The following MOG variants were observed in gnomAD, a reference collection of about 807,000 sequenced individuals.
MOG encodes myelin oligodendrocyte glycoprotein, also known as myelin-oligodendrocyte glycoprotein.
A neutral mutation model predicts 35.9 loss-of-function variants in MOG; 20 were observed. The ratio of observed to expected loss-of-function variants is 0.56; its 90% CI spans 0.39 to 0.81. The LOEUF (loss-of-function observed/expected upper bound fraction) is 0.81, where lower values mean the gene tolerates loss of function less well. Ranked by LOEUF, MOG falls within the 30% of genes least tolerant of loss-of-function variation. The probability of loss-of-function intolerance (pLI) is 0.00; values close to 1 mark genes in which losing one functional copy is unlikely to be tolerated. For synonymous variants in MOG, 92 were observed against 114.3 expected (o/e 0.80, Z 1.25); for missense variants, 251 against 301.0 (o/e 0.83, Z 1.23).
Position 29,670,184 on chromosome 6 carries a change from T to C in MOG, c.593-97T>C. Reference sequence around the variant, plus strand: ...GAATTTTGTCCCCAGAGTCCTTTGGTGTTCTAGGACCCCAGGTTAAGGAAC... The same window carrying C: ...GAATTTTGTCCCCAGAGTCCTTTGGCGTTCTAGGACCCCAGGTTAAGGAAC... On this transcript the variant is annotated intron_variant, in intron 5 of 7. Transcript: ENST00000376917. The surrounding 1 kb of genome is among the most constrained non-coding windows in gnomAD (Gnocchi z 4.2). 1 of 1,611,366 alleles carries C rather than the reference T, an allele frequency of 6.2e-7. No individual in the cohort carries two copies. The highest frequency in any genetic ancestry group is 8.5e-7 in the Non-Finnish European group (1 of 1,177,446).
intron 2 of MOG, among the ~76,000 whole-genome samples, chr6:29,664,244 GT>G (rs2127516306): frequency 7.0e-6 from 1 of 143,302 alleles, no homozygotes; most frequent in African/African-American, 2.6e-5. Flanking sequence ...TTTTGCTCTT[GT>G]TACCCAGGCT....
At chr6:29,658,845 G>C (rs1466954725) in intron 1 of MOG, among the ~76,000 whole-genome samples, 2 of 152,336 alleles carry the variant, frequency 1.3e-5, no homozygotes, top group African/African-American at 4.8e-5. Flanking sequence ...CGGGTGTGGT[G>C]GTTTATGCCC....
In MOG at chr6:29,670,591, T is replaced by A; in HGVS notation, c.710-110T>A. ...AGAACCACTTACTGGATCTGTGGGA[T>A]CCCCCAGTGGAAAGGGCAGTGTGGG... On this transcript the variant is annotated intron_variant, in intron 6 of 7. Coordinates refer to ENST00000376917, the MANE Select transcript of MOG (RefSeq NM_206809.4). This position sits in a 1 kb window ranked among gnomAD's most constrained non-coding sequence, Gnocchi z 4.2. The A allele has an allele frequency of 6.3e-7, 1 of 1,579,414 alleles. No homozygotes were observed.
Position 29,662,221 on chromosome 6 carries a change from C to G in MOG, c.436+2555C>G, listed in dbSNP as rs1033726969. On this transcript the variant is annotated intron_variant, in intron 2 of 7. Coordinates refer to ENST00000376917, the MANE Select transcript of MOG (RefSeq NM_206809.4). The surrounding 1 kb of genome is among the most constrained non-coding windows in gnomAD (Gnocchi z 4.2). ...AACAAATGCCAGGCGCGGCAGCTCA[C>G]GCCTGTAATCCCAGCACTTTGGGAG... The G allele has an allele frequency of 1.0e-6, 1 of 979,288 alleles. No homozygotes were observed. Among genetic ancestry groups the G allele is most frequent in the Non-Finnish European group, 1.2e-6 (1 of 824,388 alleles). The allele number at this position is 979,288 out of a possible 1,614,324, so 60.7% of individuals were successfully genotyped here. A position where few individuals can be genotyped will look rare whatever the true frequency, so the allele number is the denominator to read the frequency against.
rs1364294429 is a variant in MOG, at chr6:29,671,517, T to C, written c.*332T>C. 1 of 1,058,080 alleles carries C rather than the reference T, an allele frequency of 9.5e-7. No individual in the cohort carries two copies. The highest frequency in any genetic ancestry group is 1.5e-6 in the Non-Finnish European group (1 of 674,524). 65.5% of individuals were successfully genotyped at this position (1,058,080 alleles called of 1,614,324 possible). On this transcript the variant is annotated 3_prime_UTR_variant, in exon 8 of 8. Coordinates refer to ENST00000376917, the MANE Select transcript of MOG (RefSeq NM_206809.4). ...CTGGAGAGCAACACAGGATGGTCTC[T>C]GCCATGAACTGGAGGCCAGGAATCT...
At position 29,671,352 on chromosome 6, in the gene MOG, TTC is replaced by T; in HGVS notation, c.*169_*170del. 1 of 1,612,068 alleles carries T rather than the reference TTC, an allele frequency of 6.2e-7. No individual in the cohort carries two copies. The highest frequency in any genetic ancestry group is 1.1e-5 in the South Asian group (1 of 91,044). ...GAATTCCAAGTAGAATTGATTTCCC[TTC>T]TTCTGTCATCTACCTTTTCTCTTCA... On this transcript the variant is annotated 3_prime_UTR_variant, in exon 8 of 8. Transcript: ENST00000376917.
chr6:29,658,854 C>T (rs922864373), intron 1 of MOG, among the ~76,000 whole-genome samples: 12 of 152,134 alleles, frequency 7.9e-5, no homozygotes, highest in African/African-American at 2.9e-4. Context: ...TGGTTTATGC[C>T]CATAATCCCA....
intron 5 of MOG, 132 bp downstream of exon 5, chr6:29,668,056 A>G: frequency 1.2e-6 from 1 of 853,348 alleles, no homozygotes; most frequent in East Asian, 2.4e-5. Flanking sequence ...TCTTTAAATA[A>G]GAAGTCATTT....
At position 29,666,195 on chromosome 6, in the gene MOG, G is replaced by C. The variant is rs148630553; in HGVS notation, c.480G>C (p.Ala160=). The change falls in exon 3 of 8, where the codon GCG becomes GCC. Residue 160 remains alanine, a synonymous_variant. Coordinates refer to ENST00000376917, the MANE Select transcript of MOG (RefSeq NM_206809.4). ...WVSPGVLVLL[A]VLPVLLLQIT... ...GCCCTGGAGTGCTGGTTCTCCTCGC[G>C]GTGCTGCCTGTGCTCCTCCTGCAGA... is the stretch of plus-strand genomic sequence containing the variant. 2.0e-4 allele frequency: 318 copies of C among 1,612,890 alleles called. 1 individual carries two copies. In the African/African-American group the frequency reaches 3.6e-3, roughly 18 times the overall value.
chr6:29,670,766 G>A lies in MOG; in HGVS notation c.730+45G>A. ...TTATAAGCAGAGAATAAAAAGCCAG[G>A]AAAGGGAGACAGAAGCAACAAGAGG... On this transcript the variant is annotated intron_variant, in intron 7 of 7. Coordinates refer to ENST00000376917, the MANE Select transcript of MOG (RefSeq NM_206809.4). The surrounding 1 kb of genome is among the most constrained non-coding windows in gnomAD (Gnocchi z 4.2). 6.2e-7 allele frequency: 1 copy of A among 1,608,482 alleles called. No individual in the cohort carries two copies. The highest frequency in any genetic ancestry group is 8.5e-7 in the Non-Finnish European group (1 of 1,177,594).
chr6:29,658,371 T>TA (rs1767634962), intron 1 of MOG, among the ~76,000 whole-genome samples: 1 of 151,476 alleles, frequency 6.6e-6, no homozygotes. Context: ...CACATCCACA[T>TA]AGAAAAAAAC....
chr6:29,668,615 T>C (rs1189202630), intron 5 of MOG, among the ~76,000 whole-genome samples: 2 of 152,204 alleles, frequency 1.3e-5, no homozygotes, highest in Admixed American at 6.5e-5. Context: ...TCTACTCTTG[T>C]CACCTGGCAC....
chr6:29,667,322 C>CA (rs9280634), intron 3 of MOG, among the ~76,000 whole-genome samples: 27,912 of 152,146 alleles, frequency 0.18, 2,774 homozygotes, highest in Admixed American at 0.25. Context: ...TTTAGATAAA[C>CA]AAAGTGGCAA....
intron 3 of MOG, among the ~76,000 whole-genome samples, 197 bp from the exon 4 acceptor site, chr6:29,667,446 G>C (rs9500950): frequency 0.019 from 2,842 of 152,110 alleles, 44 homozygotes; most frequent in Admixed American, 0.034. Context: ...TTCTTTATTC[G>C]CTATTGTATC....
intron 2 of MOG, among the ~76,000 whole-genome samples, chr6:29,660,241 G>T (rs1768224614): frequency 6.6e-6 from 1 of 151,864 alleles, no homozygotes; most frequent in Non-Finnish European, 1.5e-5. Context: ...AAACCCTTGG[G>T]CCCAGCGCCG....
chr6:29,667,480 C>T lies in MOG; in HGVS notation c.551-163C>T, dbSNP rs546526055. ...TCTAGACTATAGCTAGAGAAAGAGC[C>T]GCAACCATTGGCTTTAAATCCAGTG... On this transcript the variant is annotated intron_variant, in intron 3 of 7. Transcript: ENST00000376917. Among the ~76,000 whole-genome samples the T allele has an allele frequency of 2.6e-5, 4 of 152,134 alleles. No homozygotes were observed. The South Asian group carries it at 6.2e-4, about 24-fold the overall frequency.
At chr6:29,663,515 TGAC>T (rs1314429323) in intron 2 of MOG, among the ~76,000 whole-genome samples, 12 of 152,206 alleles carry the variant, frequency 7.9e-5, no homozygotes, top group African/African-American at 2.7e-4. Flanking sequence ...TGAATTTTGT[TGAC>T]GACATTCCCA....
At chr6:29,665,348 G>A (rs1769977558) in intron 2 of MOG, among the ~76,000 whole-genome samples, 1 of 151,926 alleles carries the variant, frequency 6.6e-6, no homozygotes, top group Non-Finnish European at 1.5e-5. Flanking sequence ...CGCCCGCCTC[G>A]GCCTCCCAAA....
intron 3 of MOG, among the ~76,000 whole-genome samples, chr6:29,666,650 A>G (rs1262478852): frequency 6.6e-6 from 1 of 152,192 alleles, no homozygotes; most frequent in Admixed American, 6.5e-5. Flanking sequence ...GAAGTCAGAC[A>G]GGTCTAGGCT....
Sources: allele counts gnomAD v4.1 joint callset (sites outside exome capture counted in the v4.1 genomes callset), GRCh38; gene constraint gnomAD v4.1.1; non-coding constraint Gnocchi (gnomAD v3.1); transcripts MANE v1.5; gene names NCBI Gene and HGNC (gene_info 2026-07-23, HGNC 2026-07-21).